Variants in TMEM178B observed in about 807,000 individuals in gnomAD.
TMEM178B encodes the protein transmembrane protein 178B.
In TMEM178B, 5 loss-of-function variants were observed where a neutral mutation model predicts 31.0. The ratio of observed to expected loss-of-function variants is 0.16; its 90% confidence interval spans 0.08 to 0.34. The LOEUF is 0.34. Among genes scored for constraint, TMEM178B ranks in the 10% least tolerant of loss-of-function variants. TMEM178B has a pLI of 1.00. For synonymous variants in TMEM178B, 164 were observed against 164.0 expected (o/e 1.00, Z 0.00); for missense variants, 275 against 400.3 (o/e 0.69, Z 2.67).
chr7:141,450,711 GGAA>G (rs1304083544), intron 3 of TMEM178B, among the ~76,000 whole-genome samples: 2 of 152,120 alleles, frequency 1.3e-5, no homozygotes, highest in African/African-American at 2.4e-5. Flanking sequence ...AGGTGGAGAG[GGAA>G]GAAGATGAGC....
the TMEM178B span, among the ~76,000 whole-genome samples, chr7:141,487,216 G>C: frequency 6.6e-6 from 1 of 152,112 alleles, no homozygotes; most frequent in African/African-American, 2.4e-5. Context: ...TTCTTAGTAA[G>C]AGACGGACCT....
chr7:141,146,862 G>A (rs549978712), intron 1 of TMEM178B, among the ~76,000 whole-genome samples: 18 of 152,244 alleles, frequency 1.2e-4, no homozygotes, highest in African/African-American at 3.4e-4. Flanking sequence ...GTATCTTCAG[G>A]CTGTGTCTGC....
rs1802329050 is a variant in TMEM178B at position 141,474,737 on chromosome 7, A to ATT, written c.*3952_*3953insTT. 1 of 152,218 alleles carries ATT rather than the reference A, an allele frequency of 6.6e-6. No homozygotes were observed. Among genetic ancestry groups the ATT allele is most frequent in the African/African-American group, 2.4e-5 (1 of 41,454 alleles). 9.4% of individuals were successfully genotyped at this position (152,218 alleles called of 1,614,324 possible). On this transcript the variant is annotated 3_prime_UTR_variant, in exon 4 of 4. Transcript: ENST00000565468. ...ATCTCAATATTCATCCACACTCATG[A>ATT]TAAGATGCCGGAAATGAATGCACTG...
chr7:141,302,068 C>T (rs989018380), intron 2 of TMEM178B, among the ~76,000 whole-genome samples: 4 of 152,022 alleles, frequency 2.6e-5, no homozygotes, highest in African/African-American at 9.7e-5. Context: ...CTGGAGATGG[C>T]TGATGGTGAT....
chr7:141,170,768 G>C (rs187179693), intron 1 of TMEM178B, among the ~76,000 whole-genome samples: 1 of 152,210 alleles, frequency 6.6e-6, no homozygotes, highest in Non-Finnish European at 1.5e-5. Flanking sequence ...ATATCTGGAA[G>C]TGCCCTAGGC....
At chr7:141,225,557 G>A (rs1797328566) in intron 2 of TMEM178B, among the ~76,000 whole-genome samples, 1 of 152,144 alleles carries the variant, frequency 6.6e-6, no homozygotes, top group Admixed American at 6.6e-5. Flanking sequence ...CTGGAAATGG[G>A]TTCTGAATTC....
intron 2 of TMEM178B, among the ~76,000 whole-genome samples, chr7:141,246,395 T>C (rs1409530884): frequency 1.3e-5 from 2 of 152,216 alleles, no homozygotes; most frequent in Non-Finnish European, 2.9e-5. Context: ...TTCAGTACGA[T>C]GTTTCTGAGA....
intron 2 of TMEM178B, among the ~76,000 whole-genome samples, chr7:141,314,679 G>A (rs984348304): frequency 6.6e-6 from 1 of 152,062 alleles, no homozygotes; most frequent in Non-Finnish European, 1.5e-5. Flanking sequence ...CTGGCCATAG[G>A]TCAATGTCTA....
chr7:141,076,459 G>A lies in TMEM178B; in HGVS notation c.382+1767G>A, dbSNP rs1198362106. 2.0e-5 allele frequency among the ~76,000 whole-genome samples: 3 copies of A among 152,320 alleles called. No individual in the cohort carries two copies. The East Asian group carries it at 5.8e-4, about 29-fold the overall frequency. ...TCCTTGAATGCCTTCTAGAATAAGA[G>A]AGGTATCCCTTCTTGTGTTGGTTAA... On this transcript the variant is annotated intron_variant, in intron 1 of 3. Transcript: ENST00000565468.
At chr7:141,466,976 C>T (rs1802156815) in intron 3 of TMEM178B, among the ~76,000 whole-genome samples, 1 of 152,098 alleles carries the variant, frequency 6.6e-6, no homozygotes, top group East Asian at 1.9e-4. Flanking sequence ...ACTCTCCCAC[C>T]CCAGGCAATT....
chr7:141,315,141 G>A (rs1401828101), intron 2 of TMEM178B, among the ~76,000 whole-genome samples: 3 of 152,142 alleles, frequency 2.0e-5, no homozygotes, highest in African/African-American at 7.2e-5. Context: ...TCTGTTTCAT[G>A]TTCCTTACCT....
intron 3 of TMEM178B, among the ~76,000 whole-genome samples, chr7:141,470,212 T>A (rs1019766102): frequency 2.6e-5 from 4 of 152,180 alleles, no homozygotes; most frequent in African/African-American, 9.7e-5. Context: ...ATGAACTGAA[T>A]GCTCTTCTGC....
rs2116737881 is a variant in TMEM178B at position 141,475,786 on chromosome 7, T to C, written c.*5000T>C. ...CCTGCTTTCCTTCCTTCCTTTTCTT[T>C]CCTTTTTTTTTTTGGTCAGTTGCCA... On this transcript the variant is annotated 3_prime_UTR_variant, in exon 4 of 4. Transcript: ENST00000565468. 6.8e-6 allele frequency: 1 copy of C among 146,956 alleles called. No individual in the cohort carries two copies. Among genetic ancestry groups the C allele is most frequent in the Non-Finnish European group, 1.5e-5 (1 of 67,808 alleles). 9.1% of individuals were successfully genotyped at this position (146,956 alleles called of 1,614,324 possible). A position where few individuals can be genotyped will look rare whatever the true frequency, so the allele number is the denominator to read the frequency against.
chr7:141,135,975 G>A (rs557887907), intron 1 of TMEM178B, among the ~76,000 whole-genome samples: 42 of 151,816 alleles, frequency 2.8e-4, no homozygotes, highest in Non-Finnish European at 5.4e-4. Flanking sequence ...ACTAACCAAG[G>A]AAAAGGAAGA....
At chr7:141,266,576 A>C (rs1046232748) in intron 2 of TMEM178B, among the ~76,000 whole-genome samples, 1 of 152,250 alleles carries the variant, frequency 6.6e-6, no homozygotes, top group Non-Finnish European at 1.5e-5. Context: ...TTTTGGCTTA[A>C]GGAAGTCTGT....
intron 3 of TMEM178B, among the ~76,000 whole-genome samples, chr7:141,463,865 C>A (rs572967771): frequency 6.6e-6 from 1 of 152,170 alleles, no homozygotes; most frequent in African/African-American, 2.4e-5. Flanking sequence ...TAAGGCCAGA[C>A]GCGCAGGATA....
intron 1 of TMEM178B, among the ~76,000 whole-genome samples, chr7:141,135,626 A>G (rs959764599): frequency 6.6e-6 from 1 of 152,198 alleles, no homozygotes; most frequent in Non-Finnish European, 1.5e-5. Context: ...ATGTCCCTGA[A>G]CAACCATTGG....
In TMEM178B at chr7:141,451,877, C is replaced by T. The variant is rs117058213; in HGVS notation, c.634+14132C>T. ...TGGAGTCTCTGTTCCCGCCCTGTCT[C>T]GGAAGCTGGCTTCTTGGAGATGTGC... On this transcript the variant is annotated intron_variant, in intron 3 of 3. Transcript: ENST00000565468. Among the ~76,000 whole-genome samples, 1,198 of 152,242 alleles carry T rather than the reference C, an allele frequency of 7.9e-3. 6 individuals are homozygous for T. Among genetic ancestry groups the T allele is most frequent in the African/African-American group, 9.5e-3 (394 of 41,540 alleles).
chr7:141,469,705 G>GACAACAAGT (rs1802204746), intron 3 of TMEM178B, among the ~76,000 whole-genome samples: 3 of 152,154 alleles, frequency 2.0e-5, no homozygotes, highest in African/African-American at 7.2e-5. Flanking sequence ...CCAAAAACTT[G>GACAACAAGT]TTGTATTAGT....
Sources: allele counts gnomAD v4.1 joint callset (sites outside exome capture counted in the v4.1 genomes callset), GRCh38; gene constraint gnomAD v4.1.1; transcripts MANE v1.5; gene names NCBI Gene and HGNC (gene_info 2026-07-23, HGNC 2026-07-21).